STAB1: variants seen among roughly 807,000 people sequenced by gnomAD.
STAB1 encodes the protein stabilin-1.
In STAB1, 250 loss-of-function variants were observed where a neutral mutation model predicts 332.4. The ratio of observed to expected loss-of-function variants is 0.75; its 90% CI spans 0.68 to 0.84. STAB1 has a LOEUF of 0.84. Among genes scored for constraint, STAB1 ranks in the 40% least tolerant of loss-of-function variants. The pLI, the probability that STAB1 is intolerant of heterozygous loss-of-function variation, is 0.00. For synonymous variants in STAB1, 1,475 were observed against 1,390.4 expected, an observed-to-expected ratio of 1.06 and a Z score of -1.35; for missense variants, 3,249 against 3,489.7, an observed-to-expected ratio of 0.93 and a Z score of 1.74.
rs1425017403 is a variant in STAB1, at chr3:52,505,953, TG to T, written c.1749+23del. ...CACGGCCAGGTGCGAGGTCTTTTTC[TG>T]GGGGGCGGCCAGCTTGTACCCGGTG... On this transcript the variant is annotated intron_variant, in intron 16 of 68. Coordinates refer to ENST00000321725, the MANE Select transcript of STAB1 (RefSeq NM_015136.3). 6 of 1,612,956 alleles carry T rather than the reference TG, an allele frequency of 3.7e-6. No individual in the cohort carries two copies. The highest frequency in any genetic ancestry group is 5.1e-6 in the Non-Finnish European group (6 of 1,179,964).
In STAB1 at chr3:52,522,224, C is replaced by A. The variant is rs765712995; in HGVS notation, c.6459C>A (p.Thr2153=). The A allele has an allele frequency of 2.1e-5, 34 of 1,612,422 alleles. No individual in the cohort carries two copies. Among genetic ancestry groups the A allele is most frequent in the Non-Finnish European group, 2.9e-5 (34 of 1,179,752 alleles). Residue 2153 remains threonine, a synonymous_variant, in exon 59 of 69, where the codon ACC becomes ACA. Coordinates refer to ENST00000321725, the MANE Select transcript of STAB1 (RefSeq NM_015136.3). ...GCGAGCACGCCAACTGCTTGAGCAC[C>A]GGCCTGGTGAGCAGGTGGGGGAACC... ...GCSEHANCLS[T]GLNTRRCECH...
chr3:52,513,794 G>A lies in STAB1; in HGVS notation c.3348G>A (p.Gln1116=). The A allele has an allele frequency of 6.2e-7, 1 of 1,613,458 alleles. No individual in the cohort carries two copies. Among genetic ancestry groups the A allele is most frequent in the Non-Finnish European group, 8.5e-7 (1 of 1,180,020 alleles). Residue 1116 remains glutamine, a splice_region_variant and synonymous_variant, in exon 31 of 69, where the codon CAG becomes CAA. Transcript: ENST00000321725. ...ACGGTGTCCTACACATCCTCAGCCA[G>A]GTACAGCAGGAGGAGGGTGTGTGCA... ...ATNGVLHILS[Q]VLLPPRGDVP...
intron 33 of STAB1, 27 bp from the exon 34 acceptor site, chr3:52,514,338 C>T (rs758909452): frequency 2.7e-5 from 42 of 1,550,850 alleles, no homozygotes; most frequent in South Asian, 3.7e-5. Context: ...ATCCTGCAGT[C>T]CCCTGGGTTC....
In STAB1 at chr3:52,511,731, G is replaced by A. The variant is rs760302220; in HGVS notation, c.2869G>A (p.Gly957Ser). ...CGACCCCTGCCGGGCAGGCAATGGCGGCTGCCACGGCCTGGTAAGGGGGTG... is the reference window on the plus strand; with the variant it reads ...CGACCCCTGCCGGGCAGGCAATGGCAGCTGCCACGGCCTGGTAAGGGGGTG... ...PIDPCRAGNG[G>S]CHGLATCRAV... The change falls in exon 26 of 69, where the codon GGC becomes AGC. Residue 957 changes from glycine to serine, a missense_variant. Physicochemically the swap from Gly to Ser is moderately conservative, Grantham distance 56. Transcript: ENST00000321725. 4.0e-5 allele frequency: 64 copies of A among 1,596,812 alleles called. No individual in the cohort carries two copies. Among genetic ancestry groups the A allele is most frequent in the Middle Eastern group, 3.3e-4 (2 of 6,042 alleles).
chr3:52,508,087 C>T (rs1387537183), intron 20 of STAB1, 61 bp downstream of exon 20: 30 of 1,549,694 alleles, frequency 1.9e-5, no homozygotes, highest in Non-Finnish European at 2.6e-5. Flanking sequence ...TCCTCGGGGG[C>T]CCCCAAGCTG....
intron 1 of STAB1, among the ~76,000 whole-genome samples, chr3:52,500,461 C>G (rs1308441673): frequency 6.6e-6 from 1 of 152,246 alleles, no homozygotes; most frequent in Non-Finnish European, 1.5e-5. Flanking sequence ...TGAGCCCAGC[C>G]TCTCAGGGCC....
rs140812846 is a variant in STAB1, at chr3:52,524,141, A to G, written c.7584A>G (p.Glu2528=). ...DADDDFSPWQ[E]GTNPTLVSVP... The stretch of plus-strand genomic sequence containing the variant: ...ATGACGACTTCTCACCGTGGCAAGA[A>G]GGGACCAACCCCACCCTGGTCTCTG... Residue 2528 remains glutamate (E), a synonymous_variant, in exon 68 of 69, where the codon GAA becomes GAG. Coordinates refer to ENST00000321725, the MANE Select transcript of STAB1 (RefSeq NM_015136.3). The G allele has an allele frequency of 1.2e-5, 20 of 1,613,856 alleles. No homozygotes were observed. The African/African-American group carries it at 2.1e-4, about 17-fold the overall frequency.
intron 1 of STAB1, 44 bp from the exon 2 acceptor site, chr3:52,501,122 G>A (rs1266464744): frequency 3.1e-6 from 5 of 1,598,736 alleles, no homozygotes; most frequent in Admixed American, 3.4e-5. Flanking sequence ...TCAGGACTGG[G>A]CGTGGGGTCC....
Position 52,521,672 on chromosome 3 carries a change from G to T in STAB1, c.6135G>T (p.Trp2045Cys), listed in dbSNP as rs1348626121. The T allele has an allele frequency of 6.2e-7, 1 of 1,613,014 alleles. No individual in the cohort carries two copies. The highest frequency in any genetic ancestry group is 8.5e-7 in the Non-Finnish European group (1 of 1,179,882). Residue 2045 changes from tryptophan (W) to cysteine (C), a missense_variant, in exon 57 of 69, where the codon TGG becomes TGT. Physicochemically the swap from Trp to Cys is radical, Grantham distance 215 (BLOSUM62 -2). Transcript: ENST00000321725. ...GSGSCFCDEG[W>C]TGPRCEVQLE... ...GCTCCTGCTTCTGTGATGAAGGCTG[G>T]ACTGGGCCACGCTGTGAGGTGCAAC...
At chr3:52,498,469 C>T (rs1218522259) in intron 1 of STAB1, among the ~76,000 whole-genome samples, 3 of 152,262 alleles carry the variant, frequency 2.0e-5, no homozygotes, top group Non-Finnish European at 1.5e-5. Flanking sequence ...CTCGGAGAAG[C>T]ACTGATGTGG....
chr3:52,524,271 A>G (rs764145772), intron 68 of STAB1, 29 bp from the exon 69 acceptor site: 8 of 1,613,610 alleles, frequency 5.0e-6, no homozygotes, highest in Non-Finnish European at 5.1e-6. Flanking sequence ...CCCTGGTCAC[A>G]CCCTCCACCA....
intron 1 of STAB1, among the ~76,000 whole-genome samples, chr3:52,500,324 A>G (rs1708351328): frequency 2.0e-5 from 3 of 152,198 alleles, no homozygotes. Context: ...CACCTCCCTC[A>G]GGAAACCACC....
chr3:52,518,037 C>T (rs1035419056), intron 45 of STAB1, 34 bp downstream of exon 45: 1 of 1,577,482 alleles, frequency 6.3e-7, no homozygotes. Context: ...CTGATCTGGT[C>T]TTGGCTGTGC....
chr3:52,500,316 C>A (rs1378723598), intron 1 of STAB1, among the ~76,000 whole-genome samples: 2 of 152,248 alleles, frequency 1.3e-5, no homozygotes, highest in Non-Finnish European at 2.9e-5. Flanking sequence ...TCAATGACCA[C>A]CTCCCTCAGG....
At position 52,521,663 on chromosome 3, in the gene STAB1, T is replaced by G. The variant is rs1394549157; in HGVS notation, c.6126T>G (p.Asp2042Glu). The G allele has an allele frequency of 6.2e-7, 1 of 1,613,160 alleles. No individual in the cohort carries two copies. Among genetic ancestry groups the G allele is most frequent in the Non-Finnish European group, 8.5e-7 (1 of 1,179,920 alleles). Reference protein sequence around the residue: ...GLGGSGSCFCDEGWTGPRCEV... With the variant: ...GLGGSGSCFCEEGWTGPRCEV... Reference sequence around the variant, plus strand: ...GGGGCTCTGGCTCCTGCTTCTGTGATGAAGGCTGGACTGGGCCACGCTGTG... The same window carrying G: ...GGGGCTCTGGCTCCTGCTTCTGTGAGGAAGGCTGGACTGGGCCACGCTGTG... The change falls in exon 57 of 69, where the codon GAT becomes GAG. Residue 2042 changes from aspartate to glutamate, a missense_variant. By Grantham distance (45) the Asp-to-Glu change is conservative (BLOSUM62 2). Transcript: ENST00000321725.
intron 18 of STAB1, 85 bp from the exon 19 acceptor site, chr3:52,507,528 C>T (rs1708965007): frequency 2.1e-6 from 3 of 1,406,200 alleles, no homozygotes; most frequent in East Asian, 5.0e-5. Flanking sequence ...TCCCTTAATC[C>T]CCACTCAATG....
rs373887613 is a variant in STAB1, at chr3:52,514,425, C to A, written c.3607C>A (p.Arg1203=). ...GGAGGCCCTCTCCATGGAAACCCTGCGGAAGGGTGGACACCGCAACTCCCT... is the reference window on the plus strand; with the variant it reads ...GGAGGCCCTCTCCATGGAAACCCTGAGGAAGGGTGGACACCGCAACTCCCT... ...LGEALSMETL[R]KGGHRNSLLG... The change falls in exon 34 of 69, where the codon CGG becomes AGG. Residue 1203 remains arginine, a synonymous_variant. Coordinates refer to ENST00000321725, the MANE Select transcript of STAB1 (RefSeq NM_015136.3). 3.3e-5 allele frequency: 51 copies of A among 1,555,534 alleles called. No individual in the cohort carries two copies. In the Middle Eastern group the frequency reaches 1.2e-3, roughly 37 times the overall value.
At chr3:52,497,007 CT>C (rs559369790) in intron 1 of STAB1, among the ~76,000 whole-genome samples, 11 of 152,180 alleles carry the variant, frequency 7.2e-5, no homozygotes, top group African/African-American at 2.7e-4. Flanking sequence ...CATGTTCAGA[CT>C]TTTTTTCTTT....
chr3:52,520,515 G>A lies in STAB1; in HGVS notation c.5615G>A (p.Arg1872His), dbSNP rs147953260. 2,987 of 1,612,262 alleles carry A rather than the reference G, an allele frequency of 1.9e-3. 10 individuals are homozygous for A. Among genetic ancestry groups the A allele is most frequent in the Non-Finnish European group, 2.4e-3 (2,796 of 1,179,802 alleles). ...QLLEPPGLGA[R>H]CDHFETRPLR... ...CTGGAGCCACCTGGCCTTGGTGCTC[G>A]CTGTGACCACTTTGAGACCCGGCCC... The change falls in exon 53 of 69, where the codon CGC becomes CAC. Residue 1872 changes from arginine to histidine, a missense_variant. Arg to His is a conservative substitution (Grantham distance 29). Coordinates refer to ENST00000321725, the MANE Select transcript of STAB1 (RefSeq NM_015136.3).
Sources: gnomAD v4.1 joint callset for allele counts (sites outside exome capture counted in the v4.1 genomes callset) on GRCh38, gnomAD v4.1.1 for gene constraint, MANE v1.5 for transcripts, NCBI Gene and HGNC (gene_info 2026-07-23, HGNC 2026-07-21) for gene names.